Variants in MICAL2 observed in about 807,000 individuals in gnomAD.
The protein encoded by MICAL2 is [F-actin]-monooxygenase MICAL2.
In MICAL2, 77 loss-of-function variants were observed where a neutral mutation model predicts 127.3. The observed-to-expected ratio is 0.60, with a 90% CI of 0.50 to 0.73. The LOEUF is 0.73. Among genes scored for constraint, MICAL2 ranks in the 30% least tolerant of loss-of-function variants. The pLI, the probability that MICAL2 is intolerant of heterozygous loss-of-function variation, is 0.00. For synonymous variants in MICAL2, 570 were observed against 551.1 expected (o/e 1.03, Z -0.48); for missense variants, 1,351 against 1,434.4 (o/e 0.94, Z 0.94).
At chr11:12,312,927 G>A (rs915262447) in intron 29 of MICAL2, among the ~76,000 whole-genome samples, 11 of 152,074 alleles carry the variant, frequency 7.2e-5, no homozygotes, top group Admixed American at 1.3e-4. Flanking sequence ...AGCACTTTGG[G>A]AGGCCGAGAT....
chr11:12,114,557 G>A (rs1169393962), intron 1 of MICAL2, among the ~76,000 whole-genome samples: 1 of 152,158 alleles, frequency 6.6e-6, no homozygotes, highest in African/African-American at 2.4e-5. Context: ...AGCCCCTTAA[G>A]ACGAGCCCAC....
At chr11:12,175,896 A>G (rs1166632379) in intron 3 of MICAL2, among the ~76,000 whole-genome samples, 1 of 152,088 alleles carries the variant, frequency 6.6e-6, no homozygotes, top group Non-Finnish European at 1.5e-5. Flanking sequence ...GAGATGGGCC[A>G]GAGAGAGAGT....
chr11:12,255,872 G>GAAGA, intron 23 of MICAL2, 122 bp downstream of exon 23: 1 of 718,040 alleles, frequency 1.4e-6, no homozygotes, highest in Non-Finnish European at 2.4e-6. Context: ...TGGAACAAGA[G>GAAGA]GGGGCTGAGA....
chr11:12,239,640 A>G (rs1859591104), intron 17 of MICAL2, 55 bp downstream of exon 17: 2 of 1,585,190 alleles, frequency 1.3e-6, no homozygotes, highest in Non-Finnish European at 1.7e-6. Flanking sequence ...TTTCAGCAGG[A>G]ATGTTCTGGC....
chr11:12,145,762 A>G (rs577281327), intron 2 of MICAL2, among the ~76,000 whole-genome samples: 3 of 152,354 alleles, frequency 2.0e-5, no homozygotes, highest in African/African-American at 7.2e-5. Context: ...AATGCAGTGT[A>G]TAGGCTCTTA....
rs553432708 is a variant in MICAL2 at position 12,261,768 on chromosome 11, GA to G, written c.3335-710del. 16 of 985,472 alleles carry G rather than the reference GA, an allele frequency of 1.6e-5. No homozygotes were observed. In the East Asian group the frequency reaches 1.7e-3, roughly 105 times the overall value. The allele number at this position is 985,472 out of a possible 1,614,324, so 61.0% of individuals were successfully genotyped here. A position where few individuals can be genotyped will look rare whatever the true frequency, so the allele number is the denominator to read the frequency against. ...GGCATGGCCGTGGCCAACTCTGTGGGAACTGGCGCCTCTGTCCTTGTTGGCA... is the reference window on the plus strand; with the variant it reads ...GGCATGGCCGTGGCCAACTCTGTGGGACTGGCGCCTCTGTCCTTGTTGGCA... On this transcript the variant is annotated intron_variant, in intron 26 of 27. Coordinates refer to ENST00000683283, the MANE Select transcript of MICAL2 (RefSeq NM_001282663.2).
At chr11:12,259,270 C>A (rs1862769392) in intron 25 of MICAL2, among the ~76,000 whole-genome samples, 1 of 152,154 alleles carries the variant, frequency 6.6e-6, no homozygotes, top group African/African-American at 2.4e-5. Context: ...GTATTTTAAC[C>A]AAAGTGGAAT....
chr11:12,187,395 T>C (rs1858443174), intron 3 of MICAL2, among the ~76,000 whole-genome samples: 1 of 152,184 alleles, frequency 6.6e-6, no homozygotes, highest in South Asian at 2.1e-4. Context: ...TTTCTAGGGG[T>C]GTGGTCCTGG....
chr11:12,208,935 C>T (rs7943751), intron 5 of MICAL2, among the ~76,000 whole-genome samples: 2,296 of 152,274 alleles, frequency 0.015, 61 homozygotes, highest in African/African-American at 0.052. Flanking sequence ...ACAGCATTCA[C>T]TATTTGGCAT....
At chr11:12,211,618 C>G (rs1855480647) in intron 6 of MICAL2, among the ~76,000 whole-genome samples, 1 of 152,172 alleles carries the variant, frequency 6.6e-6, no homozygotes, top group Non-Finnish European at 1.5e-5. Flanking sequence ...GGTCAGATGA[C>G]AGCAAGATGG....
At chr11:12,284,021 G>A (rs990098025) in intron 2 of MICAL2, among the ~76,000 whole-genome samples, 2 of 152,198 alleles carry the variant, frequency 1.3e-5, no homozygotes, top group Admixed American at 1.3e-4. Context: ...CTTTGACACA[G>A]TGGACCATGT....
chr11:12,317,435 A>G (rs1864243912), intron 29 of MICAL2, among the ~76,000 whole-genome samples: 1 of 152,178 alleles, frequency 6.6e-6, no homozygotes, highest in Admixed American at 6.5e-5. Flanking sequence ...TGAATTCCAG[A>G]ATCAGTCATT....
At chr11:12,234,461 A>G (rs1044129424) in intron 15 of MICAL2, among the ~76,000 whole-genome samples, 28 of 152,082 alleles carry the variant, frequency 1.8e-4, no homozygotes, top group East Asian at 3.9e-4. Flanking sequence ...CTAAGACCCA[A>G]CATTGTTGCA....
At chr11:12,262,938 C>T (rs1223621198) in intron 27 of MICAL2, 3 of 177,580 alleles carry the variant, frequency 1.7e-5, no homozygotes, top group East Asian at 1.5e-4. Flanking sequence ...TCAAAAAGCT[C>T]ATACATACCA....
chr11:12,259,142 A>G lies in MICAL2; in HGVS notation c.3231+586A>G, dbSNP rs184265574. ...CCAAATATATAGGTTCAGTGTAAAA[A>G]CATGGGAAGGAAAGAATATAAAGAA... On this transcript the variant is annotated intron_variant, in intron 25 of 27. Transcript: ENST00000683283. 7.6e-4 allele frequency among the ~76,000 whole-genome samples: 115 copies of G among 152,242 alleles called. 1 individual carries two copies. In the Middle Eastern group the frequency reaches 0.01, roughly 14 times the overall value.
intron 16 of MICAL2, among the ~76,000 whole-genome samples, chr11:12,236,684 TG>T (rs1859115655): frequency 6.6e-6 from 1 of 152,262 alleles, no homozygotes; most frequent in Admixed American, 6.5e-5. Context: ...GCATATGTCG[TG>T]GTCTCCACAA....
chr11:12,217,365 A>G (rs1323947770), intron 8 of MICAL2, among the ~76,000 whole-genome samples: 2 of 152,140 alleles, frequency 1.3e-5, no homozygotes, highest in Admixed American at 6.5e-5. Context: ...ACTTCAGCTC[A>G]GGTCTTTGCT....
intron 1 of MICAL2, among the ~76,000 whole-genome samples, chr11:12,279,302 C>T (rs774541683): frequency 1.3e-5 from 2 of 152,124 alleles, no homozygotes; most frequent in African/African-American, 2.4e-5. Flanking sequence ...ACAAAGTGGC[C>T]TCGGTGGAGT....
At chr11:12,187,910 G>A (rs746710109) in intron 3 of MICAL2, among the ~76,000 whole-genome samples, 8 of 151,974 alleles carry the variant, frequency 5.3e-5, no homozygotes, top group East Asian at 1.9e-4. Flanking sequence ...GGCAGTTCCC[G>A]GGGTGGGGTG....
Sources: gnomAD v4.1 joint callset for allele counts (sites outside exome capture counted in the v4.1 genomes callset) on GRCh38, gnomAD v4.1.1 for gene constraint, MANE v1.5 for transcripts, NCBI Gene and HGNC (gene_info 2026-07-23, HGNC 2026-07-21) for gene names.